The following ARL14EP variants were observed in gnomAD, a reference collection of about 807,000 sequenced individuals.
The protein encoded by ARL14EP is ARF like GTPase 14 effector protein, also known as ARL14 effector protein.
A neutral mutation model predicts 23.1 loss-of-function variants in ARL14EP; 12 were observed. The observed-to-expected ratio is 0.52, with a 90% CI of 0.33 to 0.84. The LOEUF (loss-of-function observed/expected upper bound fraction) is 0.84. Among genes scored for constraint, ARL14EP ranks in the 40% least tolerant of loss-of-function variants. The pLI, the probability that ARL14EP is intolerant of heterozygous loss-of-function variation, is 0.02. For synonymous variants in ARL14EP, 97 were observed against 102.0 expected, an observed-to-expected ratio of 0.95 and a Z score of 0.29; for missense variants, 253 against 307.3, an observed-to-expected ratio of 0.82 and a Z score of 1.32.
At chr11:30,326,651 T>C (rs1255083780) in intron 1 of ARL14EP, among the ~76,000 whole-genome samples, 1 of 152,142 alleles carries the variant, frequency 6.6e-6, no homozygotes, top group East Asian at 1.9e-4. Context: ...CCAGAGGGTG[T>C]GATTTTTAGA....
chr11:30,333,321 C>T (rs1205700198), intron 3 of ARL14EP, among the ~76,000 whole-genome samples: 2 of 151,964 alleles, frequency 1.3e-5, no homozygotes, highest in Non-Finnish European at 2.9e-5. Context: ...ATTGGTGCTT[C>T]ACTTTATTCT....
chr11:30,324,389 T>C (rs1947220673), intron 1 of ARL14EP, among the ~76,000 whole-genome samples: 1 of 152,176 alleles, frequency 6.6e-6, no homozygotes, highest in South Asian at 2.1e-4. Context: ...ATAAGGAGAC[T>C]GGTAACAAAC....
chr11:30,325,548 A>C (rs1253264089), intron 1 of ARL14EP, among the ~76,000 whole-genome samples: 3 of 152,206 alleles, frequency 2.0e-5, no homozygotes, highest in Non-Finnish European at 2.9e-5. Context: ...GATTTTATTT[A>C]TACCATGGTG....
At chr11:30,336,415 A>G in intron 3 of ARL14EP, 152 bp from the exon 4 acceptor site, 2 of 699,490 alleles carry the variant, frequency 2.9e-6, no homozygotes, top group Non-Finnish European at 4.8e-6. Context: ...ACTGCTGACG[A>G]TAGAATAAGC....
In ARL14EP at chr11:30,337,027, T is replaced by C. The variant is rs185942757; in HGVS notation, c.*232T>C. 37 of 501,038 alleles carry C rather than the reference T, an allele frequency of 7.4e-5. No individual in the cohort carries two copies. Among genetic ancestry groups the C allele is most frequent in the African/African-American group, 6.0e-4 (31 of 51,914 alleles). 31.0% of individuals were successfully genotyped at this position (501,038 alleles called of 1,614,324 possible). A position where few individuals can be genotyped will look rare whatever the true frequency, so the allele number is the denominator to read the frequency against. ...TGGATCAATATAAACAAGTAGGGTGTAGGCAGTCCTCTATTTGCATGTTTC... is the reference window on the plus strand; with the variant it reads ...TGGATCAATATAAACAAGTAGGGTGCAGGCAGTCCTCTATTTGCATGTTTC... On this transcript the variant is annotated 3_prime_UTR_variant, in exon 4 of 4. Transcript: ENST00000282032.
chr11:30,330,839 A>G, intron 1 of ARL14EP, 47 bp from the exon 2 acceptor site: 2 of 1,020,190 alleles, frequency 2.0e-6, no homozygotes, highest in South Asian at 3.0e-5. Flanking sequence ...TCAGTTTCCT[A>G]GATAAACTTG....
In ARL14EP at chr11:30,334,233, TGAGA is replaced by T. The variant is rs1947313085; in HGVS notation, c.554+1241_554+1244del. ...CTTTTTTTTTTTTTTTTTTTTTTTT[TGAGA>T]TGGAGTCTTGCTCTGTCACCCAGCC... is the stretch of plus-strand genomic sequence containing the variant. On this transcript the variant is annotated intron_variant, in intron 3 of 3. Coordinates refer to ENST00000282032, the MANE Select transcript of ARL14EP (RefSeq NM_152316.3). Among the ~76,000 whole-genome samples, 5 of 132,978 alleles carry T rather than the reference TGAGA, an allele frequency of 3.8e-5. No individual in the cohort carries two copies. In the Admixed American group the frequency reaches 3.8e-4, roughly 10 times the overall value. 87.2% of individuals were successfully genotyped at this position (132,978 alleles called of 152,430 possible).
chr11:30,324,981 T>C (rs988704319), intron 1 of ARL14EP, among the ~76,000 whole-genome samples: 1 of 152,234 alleles, frequency 6.6e-6, no homozygotes, highest in African/African-American at 2.4e-5. Flanking sequence ...TTTTCTCCTA[T>C]GCAGAATTTT....
At chr11:30,330,832 G>C (rs1376421181) in intron 1 of ARL14EP, 54 bp from the exon 2 acceptor site, 1 of 956,072 alleles carries the variant, frequency 1.0e-6, no homozygotes, top group South Asian at 1.6e-5. Context: ...TGCTTTTTCA[G>C]TTTCCTAGAT....
chr11:30,334,910 AAC>A (rs1484589039), intron 3 of ARL14EP, among the ~76,000 whole-genome samples: 3 of 152,230 alleles, frequency 2.0e-5, no homozygotes, highest in Admixed American at 6.5e-5. Flanking sequence ...CATGCCTCCT[AAC>A]ACAACATTCA....
At chr11:30,323,378 G>A (rs1947210368) in intron 1 of ARL14EP, among the ~76,000 whole-genome samples, 176 bp downstream of exon 1, 1 of 152,146 alleles carries the variant, frequency 6.6e-6, no homozygotes, top group Non-Finnish European at 1.5e-5. Context: ...CTACCCCCGC[G>A]TAGTTCATCT....
At chr11:30,324,787 AC>A (rs994510693) in intron 1 of ARL14EP, among the ~76,000 whole-genome samples, 12 of 152,324 alleles carry the variant, frequency 7.9e-5, no homozygotes, top group Non-Finnish European at 1.6e-4. Flanking sequence ...AGGAGCAAAT[AC>A]TTTTGTTTAC....
At chr11:30,330,817 T>C (rs778717975) in intron 1 of ARL14EP, 69 bp from the exon 2 acceptor site, 40 of 839,278 alleles carry the variant, frequency 4.8e-5, no homozygotes, top group Admixed American at 3.1e-4. Flanking sequence ...TTGAATTTTA[T>C]CAAATGCTTT....
At chr11:30,331,721 C>T in intron 2 of ARL14EP, 1 of 1,082,604 alleles carries the variant, frequency 9.2e-7, no homozygotes, top group Non-Finnish European at 1.1e-6. Context: ...ATGGCAACCA[C>T]CAAGGGTCTT....
chr11:30,325,003 G>A (rs1466125629), intron 1 of ARL14EP, among the ~76,000 whole-genome samples: 4 of 152,222 alleles, frequency 2.6e-5, no homozygotes, highest in South Asian at 2.1e-4. Flanking sequence ...AAAAGACAAT[G>A]TCAGATAAGA....
intron 1 of ARL14EP, among the ~76,000 whole-genome samples, chr11:30,325,167 C>A (rs527896850): frequency 6.6e-6 from 1 of 152,290 alleles, no homozygotes; most frequent in African/African-American, 2.4e-5. Context: ...ATAAGGGTGG[C>A]TTGATCTAAT....
At chr11:30,334,114 G>A (rs1282181303) in intron 3 of ARL14EP, among the ~76,000 whole-genome samples, 1 of 151,482 alleles carries the variant, frequency 6.6e-6, no homozygotes, top group East Asian at 2.0e-4. Flanking sequence ...AAGGAAAGAA[G>A]CCATCTCCAT....
intron 1 of ARL14EP, chr11:30,329,449 C>G (rs1008198026): frequency 6.6e-6 from 1 of 152,144 alleles, no homozygotes; most frequent in Non-Finnish European, 1.5e-5. Context: ...TTTTCTCCAT[C>G]TGACACCCAG....
chr11:30,326,212 A>C (rs1392217071), intron 1 of ARL14EP, among the ~76,000 whole-genome samples: 1 of 152,228 alleles, frequency 6.6e-6, no homozygotes, highest in Non-Finnish European at 1.5e-5. Flanking sequence ...TATCTGAAGC[A>C]GTACATAGCA....
Sources: allele counts gnomAD v4.1 joint callset (sites outside exome capture counted in the v4.1 genomes callset), GRCh38; gene constraint gnomAD v4.1.1; transcripts MANE v1.5; gene names NCBI Gene and HGNC (gene_info 2026-07-23, HGNC 2026-07-21).